The following SERINC5 variants were observed in gnomAD, a reference collection of about 807,000 sequenced individuals.
The protein encoded by SERINC5 is serine incorporator 5.
SERINC5 carries 41 observed loss-of-function variants against 63.1 expected under a neutral mutation model. The observed-to-expected ratio is 0.65, with a 90% CI of 0.51 to 0.84. The LOEUF is 0.84. Ranked by LOEUF, SERINC5 falls within the 40% of genes least tolerant of loss-of-function variation. The pLI is 0.00. For missense variants in SERINC5, 523 were observed against 573.0 expected (o/e 0.91, Z 0.89); for synonymous variants, 222 against 215.2 (o/e 1.03, Z -0.28).
chr5:80,125,681 C>T (rs186001535), intron 11 of SERINC5, among the ~76,000 whole-genome samples: 12 of 152,178 alleles, frequency 7.9e-5, no homozygotes, highest in Admixed American at 2.0e-4. Flanking sequence ...GGATTGGGGA[C>T]GTCCGATGAT....
chr5:80,155,391 C>T (rs1236908043), intron 8 of SERINC5, among the ~76,000 whole-genome samples: 3 of 152,114 alleles, frequency 2.0e-5, no homozygotes, highest in Non-Finnish European at 2.9e-5. Flanking sequence ...ATGGTGAAAC[C>T]CCGTCTCTAC....
At chr5:80,146,266 G>C (rs1258324539) in intron 10 of SERINC5, 32 bp from the exon 11 acceptor site, 1 of 1,612,440 alleles carries the variant, frequency 6.2e-7, no homozygotes, top group Admixed American at 1.7e-5. Flanking sequence ...CAGGCTCAAT[G>C]AGTGAATGTG....
intron 1 of SERINC5, among the ~76,000 whole-genome samples, chr5:80,254,166 C>T (rs1027518210): frequency 1.1e-4 from 16 of 152,220 alleles, no homozygotes; most frequent in Non-Finnish European, 1.9e-4. Flanking sequence ...TCAGGTGATC[C>T]GCCCGCCTCT....
intron 7 of SERINC5, among the ~76,000 whole-genome samples, chr5:80,160,746 T>C (rs994064622): frequency 6.6e-6 from 1 of 152,008 alleles, no homozygotes; most frequent in Non-Finnish European, 1.5e-5. Flanking sequence ...CTCATGTCCA[T>C]GTGTACACAT....
At chr5:80,148,189 CTTT>C (rs796769914) in intron 9 of SERINC5, among the ~76,000 whole-genome samples, 1 of 102,314 alleles carries the variant, frequency 9.8e-6, no homozygotes, top group African/African-American at 3.8e-5. Flanking sequence ...ATTTTTTATT[CTTT>C]TTTTTTTTTT....
At chr5:80,230,590 G>T (rs530936955) in intron 1 of SERINC5, among the ~76,000 whole-genome samples, 1 of 152,154 alleles carries the variant, frequency 6.6e-6, no homozygotes, top group East Asian at 1.9e-4. Context: ...CATTTATGCA[G>T]CACTCCCTTA....
At chr5:80,211,838 T>C (rs892444091) in intron 1 of SERINC5, among the ~76,000 whole-genome samples, 2 of 152,220 alleles carry the variant, frequency 1.3e-5, no homozygotes, top group African/African-American at 4.8e-5. Context: ...TATGTTCTGT[T>C]ACCTTCATTC....
rs1003530826 is a variant in SERINC5, at chr5:80,244,712, C to T, written c.27+11184G>A. Among the ~76,000 whole-genome samples, 10 of 152,136 alleles carry T rather than the reference C, an allele frequency of 6.6e-5. No individual in the cohort carries two copies. In the East Asian group the frequency reaches 1.8e-3, roughly 27 times the overall value. ...TGGCATGCGCCCGTAATCCCAGCTA[C>T]TCGGGAGGCTGAGGCAGGAGAAACG... On this transcript the variant is annotated intron_variant, in intron 1 of 11. Coordinates refer to ENST00000507668, the MANE Select transcript of SERINC5 (RefSeq NM_001174072.3).
chr5:80,210,208 C>T (rs1176186683), intron 1 of SERINC5, among the ~76,000 whole-genome samples: 1 of 152,184 alleles, frequency 6.6e-6, no homozygotes, highest in Admixed American at 6.5e-5. Context: ...GAGCCTGGCA[C>T]ATCCTCCCTC....
chr5:80,240,969 C>T (rs967493077), intron 1 of SERINC5, among the ~76,000 whole-genome samples: 3 of 152,158 alleles, frequency 2.0e-5, no homozygotes, highest in Non-Finnish European at 2.9e-5. Flanking sequence ...CCACTGTGCT[C>T]GGCCGTGTAT....
At chr5:80,203,171 C>T (rs1749956465) in intron 1 of SERINC5, 118 bp from the exon 2 acceptor site, 6 of 997,336 alleles carry the variant, frequency 6.0e-6, no homozygotes, top group Non-Finnish European at 9.1e-6. Flanking sequence ...TGGAGGATCA[C>T]TTGAGACTAG....
intron 1 of SERINC5, among the ~76,000 whole-genome samples, chr5:80,229,288 T>C (rs1260121291): frequency 2.6e-5 from 4 of 151,676 alleles, no homozygotes; most frequent in African/African-American, 4.8e-5. Flanking sequence ...TCTCCCAAAG[T>C]GCTGGGATCA....
chr5:80,152,491 C>CA (rs199692612), intron 8 of SERINC5, among the ~76,000 whole-genome samples: 10,891 of 99,882 alleles, frequency 0.11, 443 homozygotes, highest in East Asian at 0.18. Context: ...GACCCTGTCT[C>CA]AAAAAAAAAA....
At chr5:80,236,102 A>G (rs1038819383) in intron 1 of SERINC5, among the ~76,000 whole-genome samples, 5 of 152,254 alleles carry the variant, frequency 3.3e-5, no homozygotes, top group Non-Finnish European at 7.4e-5. Context: ...GCAAACTTCA[A>G]AGAAAGCCTA....
chr5:80,182,075 G>A lies in SERINC5; in HGVS notation c.196-4011C>T, dbSNP rs559102101. On this transcript the variant is annotated intron_variant, in intron 2 of 11. Transcript: ENST00000507668. Reference sequence around the variant, plus strand: ...TACGGTTTGCAATACTGACTGGCTGGTGCAGAGGCTGGAACCTGTGTGCCT... The same window carrying A: ...TACGGTTTGCAATACTGACTGGCTGATGCAGAGGCTGGAACCTGTGTGCCT... Among the ~76,000 whole-genome samples, 10 of 152,294 alleles carry A rather than the reference G, an allele frequency of 6.6e-5. No individual in the cohort carries two copies. In the South Asian group the frequency reaches 1.9e-3, roughly 28 times the overall value.
rs1039781677 is a variant in SERINC5, at chr5:80,151,018, C to T, written c.987-70G>A. On this transcript the variant is annotated intron_variant, in intron 8 of 11. Transcript: ENST00000507668. Reference sequence around the variant, plus strand: ...CAACACATGGAATGAAGGGGAAAGCCGGCTGGCCAGTGCTCCGACGAGAGC... The same window carrying T: ...CAACACATGGAATGAAGGGGAAAGCTGGCTGGCCAGTGCTCCGACGAGAGC... 7 of 1,187,204 alleles carry T rather than the reference C, an allele frequency of 5.9e-6. No individual in the cohort carries two copies. In the African/African-American group the frequency reaches 6.0e-5, roughly 10 times the overall value. The allele number at this position is 1,187,204 out of a possible 1,614,324, so 73.5% of individuals were successfully genotyped here.
chr5:80,210,695 G>T (rs1200110450), intron 1 of SERINC5, among the ~76,000 whole-genome samples: 5 of 152,126 alleles, frequency 3.3e-5, no homozygotes, highest in African/African-American at 1.2e-4. Flanking sequence ...TACTTTCACA[G>T]TTCCAAAGGC....
chr5:80,163,153 C>T (rs1000037619), intron 7 of SERINC5, among the ~76,000 whole-genome samples: 1 of 152,080 alleles, frequency 6.6e-6, no homozygotes, highest in Non-Finnish European at 1.5e-5. Flanking sequence ...ATGCACCCAG[C>T]CAAAACACTA....
At chr5:80,198,675 G>A in intron 2 of SERINC5, 2 of 985,392 alleles carry the variant, frequency 2.0e-6, no homozygotes, top group South Asian at 9.4e-5. Context: ...CCCTACAAGG[G>A]GACCTTTCAA....
Sources: allele counts gnomAD v4.1 joint callset (sites outside exome capture counted in the v4.1 genomes callset), GRCh38; gene constraint gnomAD v4.1.1; transcripts MANE v1.5; gene names NCBI Gene and HGNC (gene_info 2026-07-23, HGNC 2026-07-21).